DNER: variants seen among roughly 807,000 people sequenced by gnomAD.
DNER encodes the protein delta and Notch-like epidermal growth factor-related receptor.
DNER carries 33 observed loss-of-function variants against 78.2 expected under a neutral mutation model. The ratio of observed to expected loss-of-function variants is 0.42; its 90% CI spans 0.32 to 0.56. The LOEUF is 0.56. Among genes scored for constraint, DNER ranks in the 20% least tolerant of loss-of-function variants. The probability of loss-of-function intolerance (pLI) is 0.11; values close to 1 mark genes in which losing one functional copy is unlikely to be tolerated. For missense variants in DNER, 918 were observed against 975.3 expected (o/e 0.94, Z 0.78); for synonymous variants, 417 against 384.8 (o/e 1.08, Z -0.98).
chr2:229,540,296 T>C (rs1285785317), intron 5 of DNER, among the ~76,000 whole-genome samples: 1 of 151,510 alleles, frequency 6.6e-6, no homozygotes, highest in African/African-American at 2.4e-5. Context: ...CCACAGAGAT[T>C]TGAGGGTGGA....
At chr2:229,699,266 TAA>T (rs1699707987) in intron 1 of DNER, among the ~76,000 whole-genome samples, 1 of 152,234 alleles carries the variant, frequency 6.6e-6, no homozygotes, top group African/African-American at 2.4e-5. Context: ...CCAGCCTCAA[TAA>T]AAAGTCAAGA....
intron 8 of DNER, among the ~76,000 whole-genome samples, chr2:229,419,103 T>A (rs1693710513): frequency 6.6e-6 from 1 of 152,146 alleles, no homozygotes; most frequent in South Asian, 2.1e-4. Context: ...ATTATAATAT[T>A]TTAAATTGTA....
intron 11 of DNER, among the ~76,000 whole-genome samples, chr2:229,383,232 AG>A (rs1422799356): frequency 6.6e-6 from 1 of 152,232 alleles, no homozygotes; most frequent in Non-Finnish European, 1.5e-5. Context: ...TGTTACCACC[AG>A]GCCTGCCTTA....
At chr2:229,486,846 C>G (rs1323230357) in intron 6 of DNER, among the ~76,000 whole-genome samples, 1 of 152,134 alleles carries the variant, frequency 6.6e-6, no homozygotes, top group Non-Finnish European at 1.5e-5. Context: ...GAACTCGTTA[C>G]AAATGCAAAT....
intron 1 of DNER, among the ~76,000 whole-genome samples, chr2:229,631,223 G>A (rs1233820771): frequency 6.6e-6 from 1 of 151,746 alleles, no homozygotes; most frequent in African/African-American, 2.4e-5. Flanking sequence ...TTTCATACCT[G>A]CAGGGAAAAA....
chr2:229,648,282 G>C (rs968463463), intron 1 of DNER, among the ~76,000 whole-genome samples: 1 of 152,142 alleles, frequency 6.6e-6, no homozygotes, highest in African/African-American at 2.4e-5. Context: ...GCAGTATGTG[G>C]TACCTAGTAG....
chr2:229,528,211 G>A (rs1427680409), intron 5 of DNER, among the ~76,000 whole-genome samples: 1 of 152,310 alleles, frequency 6.6e-6, no homozygotes, highest in East Asian at 1.9e-4. Context: ...CTCAAAAGAC[G>A]ATGAGTGGTG....
chr2:229,698,025 AC>A (rs2154217567), intron 1 of DNER, among the ~76,000 whole-genome samples: 10 of 152,050 alleles, frequency 6.6e-5, no homozygotes, highest in African/African-American at 2.4e-4. Flanking sequence ...ACCTAGAAGG[AC>A]CCCCGTATCT....
chr2:229,416,375 G>C (rs1219366863), intron 9 of DNER, among the ~76,000 whole-genome samples: 1 of 152,138 alleles, frequency 6.6e-6, no homozygotes, highest in Non-Finnish European at 1.5e-5. Context: ...CTAGTGTACT[G>C]GCCAGGCTAG....
chr2:229,684,705 T>G (rs1228567165), intron 1 of DNER, among the ~76,000 whole-genome samples: 1 of 152,106 alleles, frequency 6.6e-6, no homozygotes. Context: ...ACTCATCCAG[T>G]GAGGGGGCAG....
intron 12 of DNER, among the ~76,000 whole-genome samples, chr2:229,364,844 C>CTTTT (rs34346714): frequency 6.0e-4 from 45 of 75,478 alleles, no homozygotes; most frequent in African/African-American, 1.1e-3. Context: ...CTCTCTCTCT[C>CTTTT]TTTTTTTTTT....
intron 1 of DNER, among the ~76,000 whole-genome samples, chr2:229,604,446 T>C (rs1391442277): frequency 6.6e-6 from 1 of 152,180 alleles, no homozygotes; most frequent in African/African-American, 2.4e-5. Context: ...TCTGTATCTG[T>C]TAGGCTCGGT....
intron 1 of DNER, among the ~76,000 whole-genome samples, chr2:229,662,124 CA>C (rs570763757): frequency 1.3e-3 from 197 of 152,306 alleles, no homozygotes; most frequent in Non-Finnish European, 2.5e-3. Flanking sequence ...ATGCTACCTT[CA>C]AAAGTGCTAG....
At chr2:229,694,720 C>T (rs954146804) in intron 1 of DNER, among the ~76,000 whole-genome samples, 1 of 152,164 alleles carries the variant, frequency 6.6e-6, no homozygotes, top group African/African-American at 2.4e-5. Context: ...GCCTGTACCC[C>T]CATTGTATCT....
At chr2:229,695,951 G>A (rs1366106082) in intron 1 of DNER, among the ~76,000 whole-genome samples, 1 of 152,124 alleles carries the variant, frequency 6.6e-6, no homozygotes, top group Non-Finnish European at 1.5e-5. Flanking sequence ...TGTTTGCTGG[G>A]GGTGGGAGAG....
chr2:229,586,735 C>G, intron 3 of DNER: 1 of 985,470 alleles, frequency 1.0e-6, no homozygotes, highest in Non-Finnish European at 1.2e-6. Flanking sequence ...AAATGTGTTC[C>G]TAGCCCACAT....
intron 1 of DNER, among the ~76,000 whole-genome samples, chr2:229,606,808 G>A (rs11891954): frequency 0.51 from 77,431 of 151,894 alleles, 20,317 homozygotes; most frequent in Non-Finnish European, 0.59. Context: ...CAGGAGAATC[G>A]CTTGAACCCA....
chr2:229,432,336 A>G (rs1200410366), intron 8 of DNER, among the ~76,000 whole-genome samples: 1 of 152,112 alleles, frequency 6.6e-6, no homozygotes, highest in African/African-American at 2.4e-5. Flanking sequence ...TATGGGATGC[A>G]CAAAGATGGG....
chr2:229,626,970 C>T (rs950180136), intron 1 of DNER, among the ~76,000 whole-genome samples: 8 of 152,188 alleles, frequency 5.3e-5, no homozygotes, highest in African/African-American at 1.9e-4. Context: ...TTATCAATCA[C>T]GTTGGAAAAC....
Sources: allele counts gnomAD v4.1 joint callset (sites outside exome capture counted in the v4.1 genomes callset), GRCh38; gene constraint gnomAD v4.1.1; transcripts MANE v1.5; gene names NCBI Gene and HGNC (gene_info 2026-07-23, HGNC 2026-07-21).